Variants in KREMEN1 observed in about 807,000 individuals in gnomAD.
KREMEN1 encodes kremen protein 1.
KREMEN1 carries 30 observed loss-of-function variants against 46.5 expected under a neutral mutation model. The observed-to-expected ratio is 0.65, with a 90% CI of 0.48 to 0.88. The LOEUF (loss-of-function observed/expected upper bound fraction) is 0.88. KREMEN1 is among the 40% of genes least tolerant of loss of function. The pLI is 0.00. For synonymous variants in KREMEN1, 214 were observed against 230.6 expected (o/e 0.93, Z 0.65); for missense variants, 533 against 596.9 (o/e 0.89, Z 1.11).
At position 29,146,744 on chromosome 22, in the gene KREMEN1, A is replaced by G. The variant is rs2038870704; in HGVS notation, c.*4632A>G. On this transcript the variant is annotated 3_prime_UTR_variant, in exon 9 of 9. Transcript: ENST00000400335. ...TTGTTATTTAAGAAAATGGAATGTAATGGTACTTTTACAAACGAGAAAAAA... is the reference window on the plus strand; with the variant it reads ...TTGTTATTTAAGAAAATGGAATGTAGTGGTACTTTTACAAACGAGAAAAAA... 2 of 935,634 alleles carry G rather than the reference A, an allele frequency of 2.1e-6. No homozygotes were observed. The highest frequency in any genetic ancestry group is 2.6e-6 in the Non-Finnish European group (2 of 784,290). The allele number at this position is 935,634 out of a possible 1,614,324, so 58.0% of individuals were successfully genotyped here. A position where few individuals can be genotyped will look rare whatever the true frequency, so the allele number is the denominator to read the frequency against.
At chr22:29,105,128 C>T (rs1044089761) in intron 3 of KREMEN1, among the ~76,000 whole-genome samples, 4 of 152,072 alleles carry the variant, frequency 2.6e-5, no homozygotes, top group South Asian at 2.1e-4. Context: ...GCAAAAGGTT[C>T]GGAGCACCCA....
chr22:29,164,708 T>C (rs1303463438), intron 9 of KREMEN1, among the ~76,000 whole-genome samples: 1 of 130,848 alleles, frequency 7.6e-6, no homozygotes, highest in Non-Finnish European at 1.5e-5. Context: ...ATCGTGCCAC[T>C]GCACTCCAGC....
intron 3 of KREMEN1, among the ~76,000 whole-genome samples, chr22:29,107,092 C>T (rs975108433): frequency 2.0e-5 from 3 of 152,174 alleles, no homozygotes; most frequent in African/African-American, 7.2e-5. Flanking sequence ...GGGTTGGACC[C>T]ACTGCACAAA....
chr22:29,159,124 GTTTTTT>G (rs1162443966), intron 9 of KREMEN1, among the ~76,000 whole-genome samples: 2 of 35,332 alleles, frequency 5.7e-5, no homozygotes, highest in Non-Finnish European at 7.6e-5. Flanking sequence ...CCAGCCAAGT[GTTTTTT>G]TTTTTTTTTT....
chr22:29,106,841 G>A (rs893262562), intron 3 of KREMEN1, among the ~76,000 whole-genome samples: 8 of 152,206 alleles, frequency 5.3e-5, no homozygotes, highest in Non-Finnish European at 1.2e-4. Context: ...TTGCTTTTGT[G>A]ACATTGTGGA....
At chr22:29,105,326 C>A (rs12165400) in intron 3 of KREMEN1, among the ~76,000 whole-genome samples, 1 of 142,842 alleles carries the variant, frequency 7.0e-6, no homozygotes, top group Non-Finnish European at 1.5e-5. Flanking sequence ...TAACAAGGTT[C>A]TGGGATGCCA....
chr22:29,152,917 T>C (rs1012752082), intron 9 of KREMEN1, among the ~76,000 whole-genome samples: 1 of 152,172 alleles, frequency 6.6e-6, no homozygotes, highest in Non-Finnish European at 1.5e-5. Flanking sequence ...GGCTACTCCA[T>C]AGGGAGAGCA....
Position 29,142,002 on chromosome 22 carries a change from GGGGAAATCT to G in KREMEN1, c.1270_1278del (p.Glu424_Trp426del). ...GGATTGTCATCAACCAGGGACTTCG[GGGGAAATCT>G]GGAGCATTTTTTACAAGCCTTCCAC... is the stretch of plus-strand genomic sequence containing the variant. On this transcript the variant is annotated inframe_deletion, in exon 9 of 9. Transcript: ENST00000400335. 2 of 1,613,434 alleles carry G rather than the reference GGGGAAATCT, an allele frequency of 1.2e-6. No individual in the cohort carries two copies. Among genetic ancestry groups the G allele is most frequent in the Non-Finnish European group, 1.7e-6 (2 of 1,179,664 alleles).
At chr22:29,097,499 T>G (rs1250611173) in intron 2 of KREMEN1, among the ~76,000 whole-genome samples, 2 of 152,250 alleles carry the variant, frequency 1.3e-5, no homozygotes, top group African/African-American at 4.8e-5. Context: ...TTCTTCAGTA[T>G]TCTCTGAGGA....
At chr22:29,160,214 A>T (rs2038998514) in intron 9 of KREMEN1, among the ~76,000 whole-genome samples, 1 of 152,004 alleles carries the variant, frequency 6.6e-6, no homozygotes, top group African/African-American at 2.4e-5. Context: ...CTTGGACCAC[A>T]GTAGAATGAA....
chr22:29,149,719 G>A (rs1432732044), downstream of KREMEN1, among the ~76,000 whole-genome samples: 1 of 152,206 alleles, frequency 6.6e-6, no homozygotes, highest in Non-Finnish European at 1.5e-5. Flanking sequence ...GGGACAATGA[G>A]GCCAGGATGA....
intron 9 of KREMEN1, among the ~76,000 whole-genome samples, chr22:29,161,307 A>G (rs1042416260): frequency 2.0e-4 from 30 of 151,974 alleles, no homozygotes; most frequent in African/African-American, 5.8e-4. Flanking sequence ...GGAGATCGAG[A>G]CCATCCTGGC....
intron 5 of KREMEN1, among the ~76,000 whole-genome samples, chr22:29,132,266 G>A (rs74742511): frequency 2.2e-3 from 332 of 152,064 alleles, no homozygotes; most frequent in Middle Eastern, 0.01. Flanking sequence ...CAGATGTATC[G>A]CAATCTGTTC....
chr22:29,116,962 G>A (rs961580104), intron 3 of KREMEN1, among the ~76,000 whole-genome samples: 1 of 152,162 alleles, frequency 6.6e-6, no homozygotes, highest in South Asian at 2.1e-4. Flanking sequence ...GTTTGTTTCC[G>A]AAGGATGCAT....
In KREMEN1 at chr22:29,125,432, GC is replaced by G; in HGVS notation, c.631+19del. The stretch of plus-strand genomic sequence containing the variant: ...CTCTTTGATAGTGAGTATGCCCTGT[GC>G]CCATCACTGCCCAAGGCACAGGAAC... On this transcript the variant is annotated intron_variant, in intron 5 of 8. Transcript: ENST00000400335. 1 of 1,612,810 alleles carries G rather than the reference GC, an allele frequency of 6.2e-7. No individual in the cohort carries two copies. The highest frequency in any genetic ancestry group is 1.1e-5 in the South Asian group (1 of 91,050).
At chr22:29,108,718 A>G (rs1002481604) in intron 3 of KREMEN1, among the ~76,000 whole-genome samples, 3 of 152,302 alleles carry the variant, frequency 2.0e-5, no homozygotes, top group Non-Finnish European at 2.9e-5. Flanking sequence ...AGGAGCAGGC[A>G]TCAGCTGCTG....
chr22:29,120,024 CAG>C (rs761281452), intron 3 of KREMEN1, among the ~76,000 whole-genome samples: 63 of 130,378 alleles, frequency 4.8e-4, no homozygotes, highest in East Asian at 2.6e-3. Flanking sequence ...ATGAAGGAAA[CAG>C]AGGGAGGAAG....
intron 4 of KREMEN1, among the ~76,000 whole-genome samples, chr22:29,123,331 CATA>C (rs1214546416): frequency 4.1e-5 from 6 of 147,734 alleles, no homozygotes; most frequent in African/African-American, 1.5e-4. Flanking sequence ...GACTTGTATC[CATA>C]ATGTGTAAAA....
intron 9 of KREMEN1, among the ~76,000 whole-genome samples, chr22:29,162,874 T>C (rs1320676370): frequency 6.6e-6 from 1 of 152,194 alleles, no homozygotes; most frequent in Non-Finnish European, 1.5e-5. Context: ...CCATCAATGG[T>C]GGATTAGATA....
Sources: gnomAD v4.1 joint callset for allele counts (sites outside exome capture counted in the v4.1 genomes callset) on GRCh38, gnomAD v4.1.1 for gene constraint, MANE v1.5 for transcripts, NCBI Gene and HGNC (gene_info 2026-07-23, HGNC 2026-07-21) for gene names.